Variants in STXBP5L observed in about 807,000 individuals in gnomAD.
STXBP5L encodes syntaxin binding protein 5L, also known as syntaxin-binding protein 5-like.
In STXBP5L, 65 loss-of-function variants were observed where a neutral mutation model predicts 144.5. The observed-to-expected ratio is 0.45, with a 90% confidence interval of 0.37 to 0.55. The LOEUF is 0.55. Ranked by LOEUF, STXBP5L falls within the 20% of genes least tolerant of loss-of-function variation. The probability of loss-of-function intolerance (pLI) is 0.00; values close to 1 mark genes in which losing one functional copy is unlikely to be tolerated. For synonymous variants in STXBP5L, 505 were observed against 469.6 expected, an observed-to-expected ratio of 1.08 and a Z score of -0.97; for missense variants, 1,298 against 1,405.5, an observed-to-expected ratio of 0.92 and a Z score of 1.22.
intron 3 of STXBP5L, among the ~76,000 whole-genome samples, chr3:121,018,453 A>G (rs1945297548): frequency 2.0e-5 from 3 of 151,418 alleles, no homozygotes; most frequent in South Asian, 4.2e-4. Context: ...CAAAGAAACA[A>G]TGGCAATTCA....
At chr3:121,143,585 A>G (rs1352073758) in intron 7 of STXBP5L, among the ~76,000 whole-genome samples, 1 of 151,896 alleles carries the variant, frequency 6.6e-6, no homozygotes, top group African/African-American at 2.4e-5. Flanking sequence ...TTAATGTAGT[A>G]TGACAATTGC....
chr3:121,060,288 A>G (rs976485974), intron 5 of STXBP5L, among the ~76,000 whole-genome samples: 43 of 152,146 alleles, frequency 2.8e-4, no homozygotes, highest in African/African-American at 9.7e-4. Context: ...TGATTTGCAT[A>G]TGTTGAACCG....
At chr3:121,388,820 G>A (rs919215151) in intron 22 of STXBP5L, among the ~76,000 whole-genome samples, 4 of 152,126 alleles carry the variant, frequency 2.6e-5, no homozygotes, top group African/African-American at 4.8e-5. Context: ...TTTTCACATC[G>A]ATGTTCATCA....
intron 12 of STXBP5L, among the ~76,000 whole-genome samples, chr3:121,235,816 AACACAC>A (rs778143089): frequency 1.2e-4 from 18 of 149,170 alleles, no homozygotes; most frequent in African/African-American, 4.2e-4. Context: ...CTCCTGCCAG[AACACAC>A]ACACACACAC....
At chr3:121,177,271 T>C (rs899275008) in intron 9 of STXBP5L, among the ~76,000 whole-genome samples, 5 of 152,074 alleles carry the variant, frequency 3.3e-5, no homozygotes, top group Non-Finnish European at 7.4e-5. Context: ...AAAATAAAAA[T>C]ATGTTTACTT....
intron 3 of STXBP5L, among the ~76,000 whole-genome samples, chr3:120,979,188 G>C (rs959901233): frequency 2.6e-5 from 4 of 152,208 alleles, no homozygotes; most frequent in Non-Finnish European, 4.4e-5. Flanking sequence ...CTTGAGCTGT[G>C]GTGGGCTTCC....
Position 121,187,024 on chromosome 3 carries a change from G to A in STXBP5L, c.878-18899G>A, listed in dbSNP as rs77415808. Among the ~76,000 whole-genome samples the A allele has an allele frequency of 4.5e-4, 68 of 152,232 alleles. No homozygotes were observed. The East Asian group carries it at 0.013, about 29-fold the overall frequency. On this transcript the variant is annotated intron_variant, in intron 9 of 26. Transcript: ENST00000471454. ...AGTGTGGTGATTCCTCAGGGATCTA[G>A]AACTAGAAGTACCATTTGACCCAGC...
In STXBP5L at chr3:121,424,337, C is replaced by A. The variant is rs1351220783; in HGVS notation, c.*5240C>A. ...ATACCTGTAACTTCCTATATGACATCCAGTGCCCTGAAAGGGTGCTTACAC... is the reference window on the plus strand; with the variant it reads ...ATACCTGTAACTTCCTATATGACATACAGTGCCCTGAAAGGGTGCTTACAC... On this transcript the variant is annotated 3_prime_UTR_variant, in exon 27 of 27. Transcript: ENST00000471454. 6.6e-6 allele frequency: 1 copy of A among 152,164 alleles called. No individual in the cohort carries two copies. Among genetic ancestry groups the A allele is most frequent in the Non-Finnish European group, 1.5e-5 (1 of 68,040 alleles). 9.4% of individuals were successfully genotyped at this position (152,164 alleles called of 1,614,324 possible).
rs182419442 is a variant in STXBP5L at position 121,097,164 on chromosome 3, G to T, written c.471-17761G>T. The stretch of plus-strand genomic sequence containing the variant: ...ACTGGCTACTCAAGCTGCACCAGTG[G>T]TGGATGCCCCTCCCCACACCAAGCT... On this transcript the variant is annotated intron_variant, in intron 5 of 26. Transcript: ENST00000471454. 5.9e-5 allele frequency among the ~76,000 whole-genome samples: 9 copies of T among 152,282 alleles called. No individual in the cohort carries two copies. The East Asian group carries it at 1.4e-3, about 23-fold the overall frequency.
intron 22 of STXBP5L, among the ~76,000 whole-genome samples, chr3:121,398,922 A>G (rs544105244): frequency 1.3e-5 from 2 of 152,234 alleles, no homozygotes; most frequent in African/African-American, 4.8e-5. Context: ...CCTGAATAGA[A>G]CTAAGAGTGG....
chr3:121,389,527 T>C, intron 22 of STXBP5L, among the ~76,000 whole-genome samples: 1 of 152,244 alleles, frequency 6.6e-6, no homozygotes, highest in East Asian at 1.9e-4. Flanking sequence ...CATTTAGTGC[T>C]ATACATTTCC....
At chr3:120,951,083 A>G (rs562050900) in intron 2 of STXBP5L, among the ~76,000 whole-genome samples, 63 of 152,194 alleles carry the variant, frequency 4.1e-4, no homozygotes, top group African/African-American at 1.0e-3. Flanking sequence ...ATGGTGCTGG[A>G]AAAACTGGCT....
rs192259648 is a variant in STXBP5L at position 121,200,108 on chromosome 3, G to A, written c.878-5815G>A. Among the ~76,000 whole-genome samples, 34 of 152,196 alleles carry A rather than the reference G, an allele frequency of 2.2e-4. No homozygotes were observed. In the East Asian group the frequency reaches 4.2e-3, roughly 19 times the overall value. ...GTAGAATTTGGCTGTGAATCCATCC[G>A]TTCTTGGACTTTTTTGGTTGGTAGG... is the stretch of plus-strand genomic sequence containing the variant. On this transcript the variant is annotated intron_variant, in intron 9 of 26. Transcript: ENST00000471454.
At chr3:121,333,719 G>C (rs145810187) in intron 20 of STXBP5L, among the ~76,000 whole-genome samples, 2 of 152,018 alleles carry the variant, frequency 1.3e-5, no homozygotes, top group Non-Finnish European at 2.9e-5. Context: ...AGAAATACAA[G>C]TAACCAGCAG....
chr3:120,935,279 T>A (rs1710204008), intron 2 of STXBP5L, among the ~76,000 whole-genome samples: 1 of 151,936 alleles, frequency 6.6e-6, no homozygotes, highest in South Asian at 2.1e-4. Context: ...TCCCTTATAA[T>A]AAAGTATTTC....
intron 9 of STXBP5L, among the ~76,000 whole-genome samples, chr3:121,162,399 T>C (rs2046355694): frequency 6.6e-6 from 1 of 152,030 alleles, no homozygotes; most frequent in African/African-American, 2.4e-5. Context: ...TCCTTCCTTA[T>C]ACCTTATATA....
At chr3:120,929,473 A>AT (rs1481121719) in intron 2 of STXBP5L, among the ~76,000 whole-genome samples, 1 of 151,716 alleles carries the variant, frequency 6.6e-6, no homozygotes, top group Non-Finnish European at 1.5e-5. Flanking sequence ...GTTGTTAAGG[A>AT]TTTTTTTCTT....
intron 19 of STXBP5L, among the ~76,000 whole-genome samples, chr3:121,301,992 T>C (rs987723512): frequency 2.0e-5 from 3 of 152,218 alleles, no homozygotes; most frequent in Admixed American, 1.3e-4. Context: ...ATCAGGGATA[T>C]TGGTCTAAAA....
Position 120,987,194 on chromosome 3 carries a change from T to C in STXBP5L, c.287+32157T>C, listed in dbSNP as rs143659000. ...AAGCACATTTAATTTTCTAAGAAGA[T>C]GCCAAACAATTTTCCAGAGTAGTCG... On this transcript the variant is annotated intron_variant, in intron 3 of 26. Coordinates refer to ENST00000471454, the MANE Select transcript of STXBP5L (RefSeq NM_001308330.2). 2.8e-4 allele frequency among the ~76,000 whole-genome samples: 43 copies of C among 152,114 alleles called. 1 individual carries two copies. In the East Asian group the frequency reaches 8.1e-3, roughly 29 times the overall value.
Sources: gnomAD v4.1 joint callset for allele counts (sites outside exome capture counted in the v4.1 genomes callset) on GRCh38, gnomAD v4.1.1 for gene constraint, MANE v1.5 for transcripts, NCBI Gene and HGNC (gene_info 2026-07-23, HGNC 2026-07-21) for gene names.